Variants in OSBPL10 observed in about 807,000 individuals in gnomAD.
OSBPL10 encodes oxysterol-binding protein-related protein 10.
A neutral mutation model predicts 81.7 loss-of-function variants in OSBPL10; 49 were observed. That is an observed-to-expected ratio of 0.60 (90% CI 0.48 to 0.76). The LOEUF (loss-of-function observed/expected upper bound fraction) is 0.76. Among genes scored for constraint, OSBPL10 ranks in the 30% least tolerant of loss-of-function variants. The probability of loss-of-function intolerance (pLI) is 0.00; values close to 1 mark genes in which losing one functional copy is unlikely to be tolerated. For missense variants in OSBPL10, 923 were observed against 987.8 expected (o/e 0.93, Z 0.88); for synonymous variants, 419 against 383.6 (o/e 1.09, Z -1.08).
At chr3:31,680,229 G>C (rs1700606141) in intron 8 of OSBPL10, among the ~76,000 whole-genome samples, 1 of 152,174 alleles carries the variant, frequency 6.6e-6, no homozygotes. Flanking sequence ...GTCAGAGAGA[G>C]GCCTCAACAG....
chr3:32,023,807 CTA>C (rs1294175149), intron 2 of OSBPL10, among the ~76,000 whole-genome samples: 5 of 152,088 alleles, frequency 3.3e-5, no homozygotes, highest in African/African-American at 1.2e-4. Flanking sequence ...CCTATACATT[CTA>C]TGTTTTTTTC....
intron 1 of OSBPL10, among the ~76,000 whole-genome samples, 181 bp from the exon 2 acceptor site, chr3:31,880,011 C>A (rs1329516294): frequency 6.6e-6 from 1 of 152,204 alleles, no homozygotes; most frequent in Non-Finnish European, 1.5e-5. Flanking sequence ...GCACTGGATT[C>A]TTAAATCAGA....
chr3:31,703,139 G>T (rs1695952342), intron 6 of OSBPL10, among the ~76,000 whole-genome samples: 1 of 152,148 alleles, frequency 6.6e-6, no homozygotes, highest in South Asian at 2.1e-4. Flanking sequence ...TTTCCTCGAT[G>T]CAAGTTTATT....
chr3:32,038,054 C>G (rs752188629), intron 2 of OSBPL10, among the ~76,000 whole-genome samples: 7 of 152,268 alleles, frequency 4.6e-5, no homozygotes, highest in Non-Finnish European at 8.8e-5. Flanking sequence ...AGAGAGAGTT[C>G]CAGAGATCTG....
At chr3:32,043,455 T>G (rs1324510823) in intron 2 of OSBPL10, among the ~76,000 whole-genome samples, 1 of 152,220 alleles carries the variant, frequency 6.6e-6, no homozygotes, top group African/African-American at 2.4e-5. Context: ...ACAGTGGTCC[T>G]GAGATGACGT....
At position 32,050,823 on chromosome 3, in the gene OSBPL10, G is replaced by A. The variant is rs564826081; in HGVS notation, n.186-4220C>T. On this transcript the variant is annotated intron_variant and non_coding_transcript_variant, in intron 1 of 3. Coordinates refer to the OSBPL10 transcript ENST00000479173. ...ATTACAGGCGCCTGCTACCATGCCCGGCTAATTTTGTATTTTTAGTAGAGA... is the reference window on the plus strand; with the variant it reads ...ATTACAGGCGCCTGCTACCATGCCCAGCTAATTTTGTATTTTTAGTAGAGA... 1.2e-4 allele frequency among the ~76,000 whole-genome samples: 18 copies of A among 152,024 alleles called. No homozygotes were observed. In the South Asian group the frequency reaches 1.2e-3, roughly 11 times the overall value.
chr3:31,960,120 T>A (rs1003238097), intron 1 of OSBPL10: 3 of 152,228 alleles, frequency 2.0e-5, no homozygotes, highest in Non-Finnish European at 4.4e-5. Context: ...AGCACTTTGC[T>A]GAGTGCTTAA....
chr3:31,752,130 C>T (rs760365556), intron 4 of OSBPL10, among the ~76,000 whole-genome samples: 8 of 152,140 alleles, frequency 5.3e-5, no homozygotes, highest in Non-Finnish European at 1.0e-4. Flanking sequence ...AAGGTGCCTA[C>T]CAGCTTATCA....
At chr3:31,804,503 G>A (rs1699475428) in intron 4 of OSBPL10, among the ~76,000 whole-genome samples, 1 of 152,144 alleles carries the variant, frequency 6.6e-6, no homozygotes, top group Non-Finnish European at 1.5e-5. Context: ...AGCAGAATGT[G>A]ATCTAACAAT....
intron 1 of OSBPL10, among the ~76,000 whole-genome samples, chr3:31,915,694 G>A (rs1201757801): frequency 6.6e-6 from 1 of 151,820 alleles, no homozygotes; most frequent in African/African-American, 2.4e-5. Context: ...TACCTCAAAC[G>A]TGAGCATCAC....
At chr3:31,947,752 A>G (rs1029088202) in intron 1 of OSBPL10, among the ~76,000 whole-genome samples, 1 of 152,084 alleles carries the variant, frequency 6.6e-6, no homozygotes, top group Non-Finnish European at 1.5e-5. Context: ...TAGATAAAGA[A>G]TCTGTGTTAG....
chr3:31,901,856 G>A (rs769247964), intron 1 of OSBPL10, among the ~76,000 whole-genome samples: 3 of 152,016 alleles, frequency 2.0e-5, no homozygotes, highest in Admixed American at 1.3e-4. Context: ...TGGGCAATAC[G>A]GCAAAACCCC....
At chr3:31,667,197 A>G (rs1700213136) in intron 10 of OSBPL10, among the ~76,000 whole-genome samples, 1 of 152,250 alleles carries the variant, frequency 6.6e-6, no homozygotes. Context: ...CATTCTGGGA[A>G]TGCTTCATCA....
At chr3:31,930,302 T>C (rs1288395956) in intron 1 of OSBPL10, among the ~76,000 whole-genome samples, 1 of 152,204 alleles carries the variant, frequency 6.6e-6, no homozygotes, top group African/African-American at 2.4e-5. Context: ...TGAGAAATCA[T>C]TTTTACCTCT....
At chr3:31,905,658 G>A (rs1484682728) in intron 1 of OSBPL10, among the ~76,000 whole-genome samples, 1 of 151,828 alleles carries the variant, frequency 6.6e-6, no homozygotes, top group Non-Finnish European at 1.5e-5. Context: ...CCAGAACCTA[G>A]TGAATTCTCA....
intron 1 of OSBPL10, among the ~76,000 whole-genome samples, chr3:31,957,148 T>C (rs1369926136): frequency 9.2e-5 from 14 of 151,676 alleles, no homozygotes; most frequent in Admixed American, 9.2e-4. Context: ...AAATAAAAAA[T>C]AAATAAAAAT....
intron 4 of OSBPL10, among the ~76,000 whole-genome samples, chr3:31,763,059 A>C (rs1465652332): frequency 6.6e-6 from 1 of 152,192 alleles, no homozygotes; most frequent in African/African-American, 2.4e-5. Context: ...ACGGAATGAG[A>C]ACACACACAG....
At chr3:31,723,571 C>CACACACACACACACACACACA (rs376763435) in intron 6 of OSBPL10, among the ~76,000 whole-genome samples, 1 of 151,126 alleles carries the variant, frequency 6.6e-6, no homozygotes, top group African/African-American at 2.4e-5. Flanking sequence ...CACACACACA[C>CACACACACACACACACACACA]CCCTTTCCCT....
intron 6 of OSBPL10, among the ~76,000 whole-genome samples, chr3:31,728,811 C>A (rs1363856742): frequency 6.6e-6 from 1 of 152,126 alleles, no homozygotes; most frequent in East Asian, 1.9e-4. Flanking sequence ...GGTTGAGTAT[C>A]CCTCACCTGA....
Sources: allele counts gnomAD v4.1 joint callset (sites outside exome capture counted in the v4.1 genomes callset), GRCh38; gene constraint gnomAD v4.1.1; transcripts MANE v1.5; gene names NCBI Gene and HGNC (gene_info 2026-07-23, HGNC 2026-07-21).